Variants in TIE1 observed in about 807,000 individuals in gnomAD.
The protein encoded by TIE1 is tyrosine kinase with immunoglobulin like and EGF like domains 1, also known as tyrosine-protein kinase receptor Tie-1.
A neutral mutation model predicts 130.5 loss-of-function variants in TIE1; 89 were observed. The ratio of observed to expected loss-of-function variants is 0.68; its 90% CI spans 0.57 to 0.81. The LOEUF (loss-of-function observed/expected upper bound fraction) is 0.81. TIE1 is among the 40% of genes least tolerant of loss of function. The probability of loss-of-function intolerance (pLI) is 0.00; values close to 1 mark genes in which losing one functional copy is unlikely to be tolerated. For synonymous variants in TIE1, 568 were observed against 629.4 expected (o/e 0.90, Z 1.46); for missense variants, 1,392 against 1,559.8 (o/e 0.89, Z 1.81).
Position 43,317,524 on chromosome 1 carries a change from G to A in TIE1, c.2621-40G>A, listed in dbSNP as rs1646870684. ...CCAGCCCTTGCCAGCCCTTTCTCCA[G>A]AGTTATTTCTGGCAAAATAATATTG... On this transcript the variant is annotated intron_variant, in intron 15 of 22. Coordinates refer to ENST00000372476, the MANE Select transcript of TIE1 (RefSeq NM_005424.5). This position sits in a 1 kb window ranked among gnomAD's most constrained non-coding sequence, Gnocchi z 5.1. 3 of 1,609,430 alleles carry A rather than the reference G, an allele frequency of 1.9e-6. No individual in the cohort carries two copies. The highest frequency in any genetic ancestry group is 2.2e-5 in the South Asian group (2 of 90,942).
intron 9 of TIE1, 119 bp from the exon 10 acceptor site, chr1:43,311,552 T>C (rs1646791132): frequency 7.3e-7 from 1 of 1,374,798 alleles, no homozygotes; most frequent in South Asian, 1.4e-5. Flanking sequence ...CCCTGGCCAC[T>C]ATGGTCATCT....
In TIE1 at chr1:43,313,321, T is replaced by C; in HGVS notation, c.2114T>C (p.Ile705Thr). 6.2e-7 allele frequency: 1 copy of C among 1,614,004 alleles called. No homozygotes were observed. The highest frequency in any genetic ancestry group is 8.5e-7 in the Non-Finnish European group (1 of 1,179,958). ...VDRPEETSTIIRGLNASTRYL... is the reference protein window; with the variant it reads ...VDRPEETSTITRGLNASTRYL... ...AGGCCTGAGGAGACAAGCACCATCA[T>C]CCGTGGCCTCAACGCCAGCACGCGC... The change falls in exon 13 of 23, where the codon ATC becomes ACC. Residue 705 changes from isoleucine (I) to threonine (T), a missense_variant. By Grantham distance (89) the Ile-to-Thr change is moderately conservative (BLOSUM62 -1). Coordinates refer to ENST00000372476, the MANE Select transcript of TIE1 (RefSeq NM_005424.5). This position sits in a 1 kb window ranked among gnomAD's most constrained non-coding sequence, Gnocchi z 6.2.
Position 43,309,052 on chromosome 1 carries a change from T to C in TIE1, c.1109T>C (p.Ile370Thr). Residue 370 changes from isoleucine (I) to threonine (T), a missense_variant, in exon 8 of 23, where the codon ATC (isoleucine) becomes ACC (threonine). This residue lies in a region of TIE1 where 551 missense variants were observed against 565.5 expected (regional missense o/e 0.97). Transcript: ENST00000372476. The surrounding 1 kb of genome is among the most constrained non-coding windows in gnomAD (Gnocchi z 6.3). ...LEFNLETMPR[I>T]NCAAAGNPFP... The stretch of plus-strand genomic sequence containing the variant: ...TTCAACTTAGAGACGATGCCCCGGA[T>C]CAACTGTGCAGCTGCAGGGAACCCC... 1 of 1,613,866 alleles carries C rather than the reference T, an allele frequency of 6.2e-7. No individual in the cohort carries two copies. Among genetic ancestry groups the C allele is most frequent in the Non-Finnish European group, 8.5e-7 (1 of 1,179,924 alleles).
Position 43,313,622 on chromosome 1 carries a change from T to C in TIE1, c.2219-156T>C. On this transcript the variant is annotated intron_variant, in intron 13 of 22. Coordinates refer to ENST00000372476, the MANE Select transcript of TIE1 (RefSeq NM_005424.5). This position sits in a 1 kb window ranked among gnomAD's most constrained non-coding sequence, Gnocchi z 6.2. Reference sequence around the variant, plus strand: ...AGGGCTGGGAAAATCATGTCGCCCCTCTGACACCCCTCATCCCTTCCTTCA... The same window carrying C: ...AGGGCTGGGAAAATCATGTCGCCCCCCTGACACCCCTCATCCCTTCCTTCA... 9.4e-7 allele frequency: 1 copy of C among 1,063,872 alleles called. No homozygotes were observed. Among genetic ancestry groups the C allele is most frequent in the East Asian group, 2.6e-5 (1 of 38,416 alleles). 65.9% of individuals were successfully genotyped at this position (1,063,872 alleles called of 1,614,324 possible).
Position 43,306,914 on chromosome 1 carries a change from C to G in TIE1, c.559C>G (p.Pro187Ala). 4 of 1,614,046 alleles carry G rather than the reference C, an allele frequency of 2.5e-6. No homozygotes were observed. The highest frequency in any genetic ancestry group is 3.4e-6 in the Non-Finnish European group (4 of 1,180,022). The change falls in exon 4 of 23, where the codon CCA becomes GCA. Residue 187 changes from proline to alanine, a missense_variant. By Grantham distance (27) the Pro-to-Ala change is conservative. Transcript: ENST00000372476. This position sits in a 1 kb window ranked among gnomAD's most constrained non-coding sequence, Gnocchi z 4.9. ...CCTGCTGCAGCTCCCAAATGTGCAG[C>G]CACCATCGAGCGGCATCTACAGTGC... ...RFLLQLPNVQ[P>A]PSSGIYSATY...
Position 43,322,100 on chromosome 1 carries a change from G to A in TIE1, c.3345+385G>A, listed in dbSNP as rs145106552. Among the ~76,000 whole-genome samples the A allele has an allele frequency of 6.6e-6, 1 of 152,222 alleles. No individual in the cohort carries two copies. The highest frequency in any genetic ancestry group is 2.4e-5 in the African/African-American group (1 of 41,456). ...TAACCAGATGGATGGATGGGTGAATGAGTGATACAGTAACCGTATGAATGA... is the reference window on the plus strand; with the variant it reads ...TAACCAGATGGATGGATGGGTGAATAAGTGATACAGTAACCGTATGAATGA... On this transcript the variant is annotated intron_variant, in intron 22 of 22. Transcript: ENST00000372476. The surrounding 1 kb of genome is among the most constrained non-coding windows in gnomAD (Gnocchi z 4.0).
Position 43,301,035 on chromosome 1 carries a change from C to T in TIE1, c.-37C>T, listed in dbSNP as rs200996417. 1,710 of 1,611,652 alleles carry T rather than the reference C, an allele frequency of 1.1e-3. 15 individuals are homozygous for T. In the African/African-American group the frequency reaches 0.02, roughly 19 times the overall value. On this transcript the variant is annotated 5_prime_UTR_variant, in exon 1 of 23. Coordinates refer to ENST00000372476, the MANE Select transcript of TIE1 (RefSeq NM_005424.5). ...GGCCCACAGCATCTGACCCCAGGCC[C>T]AGCTCGTCCTGGCTGGCCTGGGTCG...
In TIE1 at chr1:43,307,186, C is replaced by G. The variant is rs750983302; in HGVS notation, c.685C>G (p.Pro229Ala). 5.0e-6 allele frequency: 8 copies of G among 1,613,990 alleles called. No individual in the cohort carries two copies. The highest frequency in any genetic ancestry group is 1.6e-4 in the Middle Eastern group (1 of 6,084). The change falls in exon 5 of 23, where the codon CCA (proline) becomes GCA (alanine). Residue 229 changes from proline to alanine, a missense_variant. Physicochemically the swap from Pro to Ala is conservative, Grantham distance 27. Around this residue, in one of 6 missense-constraint regions of TIE1, gnomAD observed 415 missense variants for 424.8 expected, o/e 0.98. Coordinates refer to ENST00000372476, the MANE Select transcript of TIE1 (RefSeq NM_005424.5). The surrounding 1 kb of genome is among the most constrained non-coding windows in gnomAD (Gnocchi z 5.4). ...RWGPGCTKEC[P>A]GCLHGGVCHD... is the part of the protein sequence containing the mutation. Reference sequence around the variant, plus strand: ...GGGGCCAGGCTGTACCAAGGAGTGCCCAGGTTGCCTACATGGAGGTGTCTG... The same window carrying G: ...GGGGCCAGGCTGTACCAAGGAGTGCGCAGGTTGCCTACATGGAGGTGTCTG...
At chr1:43,308,757 C>A in intron 7 of TIE1, 1 of 637,910 alleles carries the variant, frequency 1.6e-6, no homozygotes, top group Non-Finnish European at 2.9e-6. Flanking sequence ...GGTCTGCTGG[C>A]AGGTATTAGA....
rs1646816043 is a variant in TIE1, at chr1:43,313,099, C to A, written c.1928-36C>A. On this transcript the variant is annotated intron_variant, in intron 12 of 22. Coordinates refer to ENST00000372476, the MANE Select transcript of TIE1 (RefSeq NM_005424.5). This position sits in a 1 kb window ranked among gnomAD's most constrained non-coding sequence, Gnocchi z 6.2. ...AGCCCCACAGCTACATAGCCCGGTC[C>A]TATCTGAGCCTTGCCTTCCCCCACC... is the stretch of plus-strand genomic sequence containing the variant. 1.3e-6 allele frequency: 2 copies of A among 1,574,130 alleles called. No individual in the cohort carries two copies. Among genetic ancestry groups the A allele is most frequent in the African/African-American group, 2.7e-5 (2 of 74,150 alleles).
At chr1:43,301,730 G>A (rs928118551) in intron 1 of TIE1, among the ~76,000 whole-genome samples, 1 of 152,154 alleles carries the variant, frequency 6.6e-6, no homozygotes, top group African/African-American at 2.4e-5. Context: ...TTAGCCGGGC[G>A]TGGTGGCAGG....
At position 43,312,926 on chromosome 1, in the gene TIE1, A is replaced by G. The variant is rs937755047; in HGVS notation, c.1928-209A>G. ...GGATGTGGAGAGGACTTGGGATACA[A>G]GAAGTACAAGGAGAAGCAGAAGCTT... On this transcript the variant is annotated intron_variant, in intron 12 of 22. Transcript: ENST00000372476. The surrounding 1 kb of genome is among the most constrained non-coding windows in gnomAD (Gnocchi z 5.6). Among the ~76,000 whole-genome samples, 6 of 152,034 alleles carry G rather than the reference A, an allele frequency of 3.9e-5. No homozygotes were observed. Among genetic ancestry groups the G allele is most frequent in the Admixed American group, 3.9e-4 (6 of 15,266 alleles).
rs1646709074 is a variant in TIE1 at position 43,304,929 on chromosome 1, G to C, written c.137G>C (p.Gly46Ala). The C allele has an allele frequency of 5.5e-6, 8 of 1,444,998 alleles. No homozygotes were observed. The East Asian group carries it at 7.6e-5, about 14-fold the overall frequency. 89.5% of individuals were successfully genotyped at this position (1,444,998 alleles called of 1,614,324 possible). ...PQRFFLTCVSGEAGAGRGSDA... is the reference protein window; with the variant it reads ...PQRFFLTCVSAEAGAGRGSDA... ...CGCTTCTTCCTGACTTGCGTGTCTG[G>C]GGAGGCCGGGGCGGGGAGGGGCTCG... Residue 46 changes from glycine to alanine, a missense_variant, in exon 2 of 23, where the codon GGG becomes GCG. Around this residue, in one of 6 missense-constraint regions of TIE1, gnomAD observed 415 missense variants for 424.8 expected, o/e 0.98. Transcript: ENST00000372476.
rs763543291 is a variant in TIE1 at position 43,307,010 on chromosome 1, G to T, written c.640+15G>T. The T allele has an allele frequency of 1.2e-6, 2 of 1,613,582 alleles. No individual in the cohort carries two copies. Among genetic ancestry groups the T allele is most frequent in the East Asian group, 4.5e-5 (2 of 44,882 alleles). On this transcript the variant is annotated intron_variant, in intron 4 of 22. Transcript: ENST00000372476. This position sits in a 1 kb window ranked among gnomAD's most constrained non-coding sequence, Gnocchi z 5.4. Reference sequence around the variant, plus strand: ...CATCGTGCGGGGTCAGAGGCAGAGGGCAGAGGTTGTGGGTAGGGTGGGAGG... The same window carrying T: ...CATCGTGCGGGGTCAGAGGCAGAGGTCAGAGGTTGTGGGTAGGGTGGGAGG...
At position 43,313,616 on chromosome 1, in the gene TIE1, C is replaced by A; in HGVS notation, c.2219-162C>A. 9.5e-7 allele frequency: 1 copy of A among 1,050,174 alleles called. No homozygotes were observed. The highest frequency in any genetic ancestry group is 1.3e-6 in the Non-Finnish European group (1 of 741,920). 65.1% of individuals were successfully genotyped at this position (1,050,174 alleles called of 1,614,324 possible). On this transcript the variant is annotated intron_variant, in intron 13 of 22. Coordinates refer to ENST00000372476, the MANE Select transcript of TIE1 (RefSeq NM_005424.5). This position sits in a 1 kb window ranked among gnomAD's most constrained non-coding sequence, Gnocchi z 6.2. ...TGTCCCAGGGCTGGGAAAATCATGT[C>A]GCCCCTCTGACACCCCTCATCCCTT...
chr1:43,309,029 C>G lies in TIE1; in HGVS notation c.1086C>G (p.Phe362Leu), dbSNP rs150072485. The change falls in exon 8 of 23, where the codon TTC becomes TTG. Residue 362 changes from phenylalanine (F) to leucine (L), a missense_variant. This residue lies in a region of TIE1 where 551 missense variants were observed against 565.5 expected (regional missense o/e 0.97). Transcript: ENST00000372476. The surrounding 1 kb of genome is among the most constrained non-coding windows in gnomAD (Gnocchi z 6.3). ...QILNMASELE[F>L]NLETMPRINC... Reference sequence around the variant, plus strand: ...TCAACATGGCCTCAGAACTGGAGTTCAACTTAGAGACGATGCCCCGGATCA... The same window carrying G: ...TCAACATGGCCTCAGAACTGGAGTTGAACTTAGAGACGATGCCCCGGATCA... 23 of 1,613,924 alleles carry G rather than the reference C, an allele frequency of 1.4e-5. No individual in the cohort carries two copies. The highest frequency in any genetic ancestry group is 1.8e-5 in the Non-Finnish European group (21 of 1,179,978).
chr1:43,319,345 G>A lies in TIE1; in HGVS notation c.3033G>A (p.Thr1011=), dbSNP rs1046514097. Residue 1011 remains threonine, a synonymous_variant, in exon 18 of 23, where the codon ACG becomes ACA. Coordinates refer to ENST00000372476, the MANE Select transcript of TIE1 (RefSeq NM_005424.5). This position sits in a 1 kb window ranked among gnomAD's most constrained non-coding sequence, Gnocchi z 4.7. ...SRGEEVYVKK[T]MGRLPVRWMA... ...GAGAGGAGGTTTATGTGAAGAAGACGATGGTGAGTCTCATTCAACCCTCAC... is the reference window on the plus strand; with the variant it reads ...GAGAGGAGGTTTATGTGAAGAAGACAATGGTGAGTCTCATTCAACCCTCAC... 6 of 1,613,520 alleles carry A rather than the reference G, an allele frequency of 3.7e-6. No homozygotes were observed. The highest frequency in any genetic ancestry group is 2.2e-5 in the South Asian group (2 of 91,056).
chr1:43,307,979 C>G lies in TIE1; in HGVS notation c.1042+55C>G. 6.2e-7 allele frequency: 1 copy of G among 1,601,772 alleles called. No homozygotes were observed. The highest frequency in any genetic ancestry group is 8.5e-7 in the Non-Finnish European group (1 of 1,171,238). The stretch of plus-strand genomic sequence containing the variant: ...CCAAGATAAGTCGGCCTTTACCAAA[C>G]ACATCTCCCCGGTGGAAGAGAGTAG... On this transcript the variant is annotated intron_variant, in intron 7 of 22. Coordinates refer to ENST00000372476, the MANE Select transcript of TIE1 (RefSeq NM_005424.5). This position sits in a 1 kb window ranked among gnomAD's most constrained non-coding sequence, Gnocchi z 5.4.
Position 43,313,048 on chromosome 1 carries a change from G to T in TIE1, c.1928-87G>T. 1.4e-6 allele frequency: 2 copies of T among 1,455,268 alleles called. No homozygotes were observed. Among genetic ancestry groups the T allele is most frequent in the Non-Finnish European group, 1.9e-6 (2 of 1,080,530 alleles). The allele number at this position is 1,455,268 out of a possible 1,614,324, so 90.1% of individuals were successfully genotyped here. A position where few individuals can be genotyped will look rare whatever the true frequency, so the allele number is the denominator to read the frequency against. On this transcript the variant is annotated intron_variant, in intron 12 of 22. Transcript: ENST00000372476. This position sits in a 1 kb window ranked among gnomAD's most constrained non-coding sequence, Gnocchi z 6.2. ...CCCTGTGCTTGGACCCACAGAGGAG[G>T]GAGCACAGCTAGAGCAGATGTGTCC...
Sources: allele counts gnomAD v4.1 joint callset (sites outside exome capture counted in the v4.1 genomes callset), GRCh38; gene constraint gnomAD v4.1.1; regional missense constraint gnomAD v4.1.1; non-coding constraint Gnocchi (gnomAD v3.1); transcripts MANE v1.5; gene names NCBI Gene and HGNC (gene_info 2026-07-23, HGNC 2026-07-21).